The following CCDC91 variants were observed in gnomAD, a reference collection of about 807,000 sequenced individuals.
The protein encoded by CCDC91 is coiled-coil domain-containing protein 91.
In CCDC91, 48 loss-of-function variants were observed where a neutral mutation model predicts 63.2. That is an observed-to-expected ratio of 0.76 (90% CI 0.60 to 0.97). The LOEUF (loss-of-function observed/expected upper bound fraction) is 0.97. CCDC91 is among the 50% of genes least tolerant of loss of function. The pLI, the probability that CCDC91 is intolerant of heterozygous loss-of-function variation, is 0.00. For missense variants in CCDC91, 500 were observed against 494.6 expected, an observed-to-expected ratio of 1.01 and a Z score of -0.10; for synonymous variants, 167 against 165.8, an observed-to-expected ratio of 1.01 and a Z score of -0.06.
chr12:28,306,848 C>T lies in CCDC91; in HGVS notation c.374C>T (p.Pro125Leu). ...GCCCTTGTGGATGATTCTGAGGATC[C>T]TGGAGCCAATGTATCTAACATACAG... is the stretch of plus-strand genomic sequence containing the variant. ...TIALVDDSEDPGANVSNIQLQ... is the reference protein window; with the variant it reads ...TIALVDDSEDLGANVSNIQLQ... The change falls in exon 5 of 13, where the codon CCT becomes CTT. Residue 125 changes from proline to leucine, a missense_variant. By Grantham distance (98) the Pro-to-Leu change is moderately conservative. Coordinates refer to ENST00000536442, the MANE Select transcript of CCDC91 (RefSeq NM_018318.5). The T allele has an allele frequency of 6.2e-7, 1 of 1,612,124 alleles. No individual in the cohort carries two copies.
intron 3 of CCDC91, among the ~76,000 whole-genome samples, chr12:28,267,772 T>TTTATTACTATATA (rs1565699347): frequency 1.6e-5 from 1 of 62,134 alleles, no homozygotes; most frequent in African/African-American, 5.9e-5. Context: ...TATATAATTA[T>TTTATTACTATATA]ATTATTAATA....
At chr12:28,404,510 GT>G (rs751364358) in intron 8 of CCDC91, among the ~76,000 whole-genome samples, 47 of 152,142 alleles carry the variant, frequency 3.1e-4, no homozygotes, top group South Asian at 1.0e-3. Flanking sequence ...TTTATATTGA[GT>G]TGATCTTGGT....
At chr12:28,275,692 C>A (rs1235433665) in intron 3 of CCDC91, among the ~76,000 whole-genome samples, 1 of 152,134 alleles carries the variant, frequency 6.6e-6, no homozygotes, top group Admixed American at 6.6e-5. Context: ...AGACCAATAT[C>A]CCTGATGAAC....
chr12:28,194,918 A>G (rs1044385956), intron 1 of CCDC91, among the ~76,000 whole-genome samples: 5 of 152,154 alleles, frequency 3.3e-5, no homozygotes, highest in Non-Finnish European at 5.9e-5. Context: ...GCATACCTTC[A>G]CTGTGAGTGT....
At chr12:28,508,296 C>T (rs184854344) in intron 12 of CCDC91, among the ~76,000 whole-genome samples, 52 of 151,992 alleles carry the variant, frequency 3.4e-4, no homozygotes, top group Admixed American at 3.0e-3. Flanking sequence ...CAGCTGTTCT[C>T]AGGAGCCAAC....
chr12:28,409,256 T>A lies in CCDC91; in HGVS notation c.762+17845T>A, dbSNP rs568690501. ...CCTTTATTAAGCTGAGTATTTTTCT[T>A]TCTATTCCTAGTTTTTATTCCAGGA... On this transcript the variant is annotated intron_variant, in intron 8 of 12. Transcript: ENST00000536442. Among the ~76,000 whole-genome samples, 103 of 152,324 alleles carry A rather than the reference T, an allele frequency of 6.8e-4. 1 individual carries two copies. The highest frequency in any genetic ancestry group is 1.4e-3 in the Non-Finnish European group (97 of 68,010).
intron 6 of CCDC91, among the ~76,000 whole-genome samples, chr12:28,336,021 G>A (rs1452506246): frequency 6.7e-6 from 1 of 149,986 alleles, no homozygotes; most frequent in East Asian, 2.0e-4. Context: ...CCTCGGAAAT[G>A]ATTATTGGTT....
At chr12:28,472,653 T>A (rs928218174) in intron 11 of CCDC91, among the ~76,000 whole-genome samples, 7 of 152,176 alleles carry the variant, frequency 4.6e-5, no homozygotes, top group African/African-American at 1.7e-4. Context: ...TTAAAATGTC[T>A]TTTCACACAG....
chr12:28,503,948 G>T (rs969946593), intron 12 of CCDC91, among the ~76,000 whole-genome samples: 5 of 151,924 alleles, frequency 3.3e-5, no homozygotes, highest in Admixed American at 3.3e-4. Context: ...GGTGGGGGAA[G>T]GGGGGAGGGA....
At chr12:28,455,050 A>C (rs1489739170) in intron 11 of CCDC91, among the ~76,000 whole-genome samples, 1 of 152,128 alleles carries the variant, frequency 6.6e-6, no homozygotes, top group Non-Finnish European at 1.5e-5. Flanking sequence ...TAAAGGAAAA[A>C]GTAAATGAAT....
intron 8 of CCDC91, among the ~76,000 whole-genome samples, chr12:28,403,910 T>C (rs920341773): frequency 6.6e-5 from 10 of 152,098 alleles, no homozygotes; most frequent in Admixed American, 2.6e-4. Context: ...TGTGTTCATT[T>C]CTTCTTTTTT....
intron 7 of CCDC91, among the ~76,000 whole-genome samples, chr12:28,377,749 T>G (rs1286873769): frequency 6.6e-6 from 1 of 151,972 alleles, no homozygotes; most frequent in East Asian, 1.9e-4. Context: ...ACCTATACAT[T>G]TCAAGATATT....
intron 8 of CCDC91, among the ~76,000 whole-genome samples, chr12:28,433,778 T>G (rs185617040): frequency 1.6e-4 from 24 of 152,060 alleles, no homozygotes; most frequent in Admixed American, 1.6e-3. Flanking sequence ...TCATTGAAAC[T>G]CTAGACCAAG....
chr12:28,195,240 G>A (rs1941667261), intron 1 of CCDC91, among the ~76,000 whole-genome samples: 1 of 152,110 alleles, frequency 6.6e-6, no homozygotes, highest in Non-Finnish European at 1.5e-5. Context: ...GCGCTGATTG[G>A]TGCATTTACA....
At chr12:28,438,683 C>T (rs1466354315) in intron 8 of CCDC91, among the ~76,000 whole-genome samples, 2 of 152,104 alleles carry the variant, frequency 1.3e-5, no homozygotes, top group African/African-American at 2.4e-5. Context: ...TTTCAACTTT[C>T]TGATGTGAGA....
At chr12:28,287,450 A>G (rs1483670725) in intron 3 of CCDC91, among the ~76,000 whole-genome samples, 4 of 152,162 alleles carry the variant, frequency 2.6e-5, no homozygotes, top group Non-Finnish European at 4.4e-5. Flanking sequence ...TCCCAGCACT[A>G]TTTATTGAAT....
At chr12:28,486,439 AT>A (rs1951730506) in intron 12 of CCDC91, among the ~76,000 whole-genome samples, 2 of 152,104 alleles carry the variant, frequency 1.3e-5, no homozygotes, top group Admixed American at 1.3e-4. Flanking sequence ...TATATGGCCA[AT>A]CTTTATTTGA....
chr12:28,520,072 C>G (rs1940446325), intron 12 of CCDC91, among the ~76,000 whole-genome samples: 2 of 152,048 alleles, frequency 1.3e-5, no homozygotes, highest in South Asian at 2.1e-4. Flanking sequence ...ATTTATAATC[C>G]TTTGGGTATA....
chr12:28,196,996 A>G (rs1436180929), intron 1 of CCDC91, among the ~76,000 whole-genome samples: 1 of 152,194 alleles, frequency 6.6e-6, no homozygotes, highest in Non-Finnish European at 1.5e-5. Flanking sequence ...ATTGTTAAAT[A>G]GTAAAATTGT....
Sources: allele counts gnomAD v4.1 joint callset (sites outside exome capture counted in the v4.1 genomes callset), GRCh38; gene constraint gnomAD v4.1.1; transcripts MANE v1.5; gene names NCBI Gene and HGNC (gene_info 2026-07-23, HGNC 2026-07-21).